Variants in MRM1 observed in about 807,000 individuals in gnomAD.
The protein encoded by MRM1 is rRNA methyltransferase 1, mitochondrial.
A neutral mutation model predicts 25.0 loss-of-function variants in MRM1; 24 were observed. The observed-to-expected ratio is 0.96, with a 90% confidence interval of 0.69 to 1.35. The LOEUF (loss-of-function observed/expected upper bound fraction) is 1.35. Among genes scored for constraint, MRM1 ranks in the 40% most tolerant of loss-of-function variants. The probability of loss-of-function intolerance (pLI) is 0.00; values close to 1 mark genes in which losing one functional copy is unlikely to be tolerated. For synonymous variants in MRM1, 188 were observed against 199.2 expected (o/e 0.94, Z 0.47); for missense variants, 431 against 464.1 (o/e 0.93, Z 0.65).
chr17:36,628,048 C>T, the MRM1 span, among the ~76,000 whole-genome samples: 2 of 152,190 alleles, frequency 1.3e-5, no homozygotes, highest in African/African-American at 4.8e-5. Flanking sequence ...TGAGGGCCTA[C>T]TGTGTTTTAT....
chr17:36,630,929 G>A, the MRM1 span, among the ~76,000 whole-genome samples: 1 of 152,280 alleles, frequency 6.6e-6, no homozygotes, highest in African/African-American at 2.4e-5. Context: ...CCCGTCCTGG[G>A]CGAGTTTCCT....
At chr17:36,614,805 T>A in the MRM1 span, among the ~76,000 whole-genome samples, 1 of 152,228 alleles carries the variant, frequency 6.6e-6, no homozygotes. Context: ...AAAATATTTA[T>A]TTGCTCAAAT....
chr17:36,601,787 C>T lies in MRM1; in HGVS notation c.-24C>T. ...CTCCCGGGGACGCAGCAAGGGGCAT[C>T]GAGTCCCTGGCGGGAGCTGCGCCAT... On this transcript the variant is annotated 5_prime_UTR_variant, in exon 1 of 5. Coordinates refer to ENST00000614766, the MANE Select transcript of MRM1 (RefSeq NM_024864.5). 6.6e-7 allele frequency: 1 copy of T among 1,519,638 alleles called. No homozygotes were observed. The allele number at this position is 1,519,638 out of a possible 1,614,324, so 94.1% of individuals were successfully genotyped here. A position where few individuals can be genotyped will look rare whatever the true frequency, so the allele number is the denominator to read the frequency against.
downstream of MRM1, among the ~76,000 whole-genome samples, chr17:36,609,848 C>T (rs2074964406): frequency 6.6e-6 from 1 of 152,246 alleles, no homozygotes; most frequent in Middle Eastern, 3.2e-3. Context: ...CTCTGGAATC[C>T]ATCTGCATTG....
chr17:36,604,257 C>T (rs1249455138), intron 2 of MRM1, among the ~76,000 whole-genome samples: 1 of 152,214 alleles, frequency 6.6e-6, no homozygotes, highest in East Asian at 1.9e-4. Flanking sequence ...GAATCAAAGG[C>T]TTCATCAAGG....
chr17:36,611,656 C>T (rs773804659), downstream of MRM1, among the ~76,000 whole-genome samples: 1 of 152,180 alleles, frequency 6.6e-6, no homozygotes, highest in African/African-American at 2.4e-5. Flanking sequence ...GAGTGGGTCT[C>T]ATCCATTCAG....
chr17:36,606,381 T>G (rs1294020371), intron 2 of MRM1, among the ~76,000 whole-genome samples: 1 of 151,752 alleles, frequency 6.6e-6, no homozygotes, highest in Non-Finnish European at 1.5e-5. Context: ...TGGGCAAGGC[T>G]GGGCTCTTCC....
chr17:36,625,211 T>C, the MRM1 span, among the ~76,000 whole-genome samples: 24 of 152,284 alleles, frequency 1.6e-4, no homozygotes, highest in African/African-American at 5.5e-4. Context: ...GGCCTACCCC[T>C]GCTCAGAAAC....
chr17:36,605,584 C>G (rs1289250556), intron 2 of MRM1, among the ~76,000 whole-genome samples: 1 of 150,996 alleles, frequency 6.6e-6, no homozygotes. Context: ...CAGCCTGGAC[C>G]TTGGTTCTGA....
At chr17:36,612,753 G>A (rs1447585882), downstream of MRM1, among the ~76,000 whole-genome samples, 2 of 152,206 alleles carry the variant, frequency 1.3e-5, no homozygotes, top group Non-Finnish European at 2.9e-5. Flanking sequence ...ATAAAATGGG[G>A]ATGACAGTGG....
chr17:36,626,292 G>A, the MRM1 span, among the ~76,000 whole-genome samples: 1 of 152,214 alleles, frequency 6.6e-6, no homozygotes, highest in African/African-American at 2.4e-5. Flanking sequence ...AGAGCCAGCT[G>A]CTCTTGTTTG....
the MRM1 span, among the ~76,000 whole-genome samples, chr17:36,617,449 G>A: frequency 1.3e-5 from 2 of 150,136 alleles, no homozygotes; most frequent in African/African-American, 4.9e-5. Flanking sequence ...CTGGAGTGCG[G>A]TGTCCTGATC....
At chr17:36,616,256 T>C in the MRM1 span, among the ~76,000 whole-genome samples, 6 of 152,192 alleles carry the variant, frequency 3.9e-5, no homozygotes, top group Non-Finnish European at 7.4e-5. Context: ...TCCTCTTCTC[T>C]GAAGTGGGCT....
At chr17:36,604,514 G>A (rs893079468) in intron 2 of MRM1, among the ~76,000 whole-genome samples, 1 of 152,110 alleles carries the variant, frequency 6.6e-6, no homozygotes, top group Non-Finnish European at 1.5e-5. Context: ...TTGTTGTTAA[G>A]AGATGGGGTC....
chr17:36,602,210 G>A lies in MRM1; in HGVS notation c.400G>A (p.Ala134Thr). ...SPLRPRPWRE[A>T]GEASPGDDPQ... ...GCTGCGGCCCCGGCCTTGGAGAGAG[G>A]CCGGGGAGGCGAGCCCAGGCGACGA... The change falls in exon 1 of 5, where the codon GCC becomes ACC. Residue 134 changes from alanine to threonine, a missense_variant. Ala to Thr is a moderately conservative substitution (Grantham distance 58). Coordinates refer to ENST00000614766, the MANE Select transcript of MRM1 (RefSeq NM_024864.5). This position sits in a 1 kb window ranked among gnomAD's most constrained non-coding sequence, Gnocchi z 4.1. The A allele has an allele frequency of 6.2e-7, 1 of 1,610,576 alleles. No homozygotes were observed. Among genetic ancestry groups the A allele is most frequent in the Non-Finnish European group, 8.5e-7 (1 of 1,177,978 alleles).
chr17:36,606,681 C>G (rs1264753681), intron 2 of MRM1, among the ~76,000 whole-genome samples: 3 of 150,032 alleles, frequency 2.0e-5, no homozygotes, highest in Non-Finnish European at 3.0e-5. Flanking sequence ...GCTCTCAGCT[C>G]ACTGCAACCT....
At chr17:36,614,495 C>T in the MRM1 span, among the ~76,000 whole-genome samples, 1 of 152,130 alleles carries the variant, frequency 6.6e-6, no homozygotes, top group Non-Finnish European at 1.5e-5. Context: ...GCACCTGGAG[C>T]GGATCCTTCC....
In MRM1 at chr17:36,608,245, A is replaced by G; in HGVS notation, c.892A>G (p.Ile298Val). The G allele has an allele frequency of 2.6e-6, 4 of 1,562,336 alleles. No homozygotes were observed. The highest frequency in any genetic ancestry group is 3.5e-6 in the Non-Finnish European group (4 of 1,154,430). ...ESLNVSVAAG[I>V]LLHSICSQRK... Reference sequence around the variant, plus strand: ...CCCTTGTCCTTGTGTCTGTGCAGGAATTCTTCTTCACTCCATTTGCAGCCA... The same window carrying G: ...CCCTTGTCCTTGTGTCTGTGCAGGAGTTCTTCTTCACTCCATTTGCAGCCA... The change falls in exon 5 of 5, where the codon ATT becomes GTT. Residue 298 changes from isoleucine (I) to valine (V), a missense_variant and splice_region_variant. Ile to Val is a conservative substitution (Grantham distance 29, BLOSUM62 3). Transcript: ENST00000614766.
At chr17:36,632,368 G>A in the MRM1 span, among the ~76,000 whole-genome samples, 1 of 152,112 alleles carries the variant, frequency 6.6e-6, no homozygotes, top group African/African-American at 2.4e-5. Flanking sequence ...CCCCAGGAAA[G>A]GGGCAGTAGG....
Sources: allele counts gnomAD v4.1 joint callset (sites outside exome capture counted in the v4.1 genomes callset), GRCh38; gene constraint gnomAD v4.1.1; non-coding constraint Gnocchi (gnomAD v3.1); transcripts MANE v1.5; gene names NCBI Gene and HGNC (gene_info 2026-07-23, HGNC 2026-07-21).